RELN: variants seen among roughly 807,000 people sequenced by gnomAD.
The protein encoded by RELN is reelin.
A neutral mutation model predicts 427.6 loss-of-function variants in RELN; 108 were observed. The observed-to-expected ratio is 0.25, with a 90% CI of 0.22 to 0.30. The LOEUF (loss-of-function observed/expected upper bound fraction) is 0.30, where lower values mean the gene tolerates loss of function less well. RELN is among the 10% of genes least tolerant of loss of function. RELN has a pLI of 1.00. For missense variants in RELN, 3,715 were observed against 4,302.8 expected (o/e 0.86, Z 3.82); for synonymous variants, 1,524 against 1,513.4 (o/e 1.01, Z -0.16).
chr7:103,596,954 C>T (rs942090273), intron 24 of RELN, among the ~76,000 whole-genome samples: 3 of 152,206 alleles, frequency 2.0e-5, no homozygotes, highest in East Asian at 1.9e-4. Context: ...AAAATTTTAA[C>T]GAAAACACTC....
intron 4 of RELN, among the ~76,000 whole-genome samples, chr7:103,763,991 A>G (rs955840781): frequency 2.0e-5 from 3 of 152,224 alleles, no homozygotes; most frequent in African/African-American, 7.2e-5. Flanking sequence ...ATGGATGACC[A>G]CAAGGAATAA....
At position 103,988,840 on chromosome 7, in the gene RELN, G is replaced by A. The variant is rs547602067; in HGVS notation, c.226+291C>T. Reference sequence around the variant, plus strand: ...AATTTAAAGTGCCTGCGGTAAGTACGGGGAGTGAGGGGGAAAGACACCGGC... The same window carrying A: ...AATTTAAAGTGCCTGCGGTAAGTACAGGGAGTGAGGGGGAAAGACACCGGC... On this transcript the variant is annotated intron_variant, in intron 1 of 64. Coordinates refer to ENST00000428762, the MANE Select transcript of RELN (RefSeq NM_005045.4). The surrounding 1 kb of genome is among the most constrained non-coding windows in gnomAD (Gnocchi z 4.9). Among the ~76,000 whole-genome samples, 18 of 152,300 alleles carry A rather than the reference G, an allele frequency of 1.2e-4. No homozygotes were observed. Among genetic ancestry groups the A allele is most frequent in the Admixed American group, 2.6e-4 (4 of 15,306 alleles).
chr7:103,875,375 A>C (rs71558654), intron 2 of RELN, among the ~76,000 whole-genome samples: 21,244 of 151,246 alleles, frequency 0.14, 1,753 homozygotes, highest in East Asian at 0.33. Flanking sequence ...AATTAAACTA[A>C]AGATCTTCTG....
intron 4 of RELN, among the ~76,000 whole-genome samples, chr7:103,767,335 T>C (rs1219413223): frequency 1.3e-5 from 2 of 152,206 alleles, no homozygotes; most frequent in Non-Finnish European, 2.9e-5. Context: ...ACTTTAAGAA[T>C]CTACTTGGTA....
chr7:103,723,622 G>A (rs750864493), intron 7 of RELN, among the ~76,000 whole-genome samples: 3 of 152,128 alleles, frequency 2.0e-5, no homozygotes, highest in Admixed American at 2.0e-4. Context: ...AAGAACAAAT[G>A]AGTAGAATAA....
At chr7:103,783,773 T>G (rs1244270327) in intron 3 of RELN, among the ~76,000 whole-genome samples, 1 of 152,188 alleles carries the variant, frequency 6.6e-6, no homozygotes, top group African/African-American at 2.4e-5. Context: ...TCTTCCAAAG[T>G]GATTCAGCAA....
intron 3 of RELN, among the ~76,000 whole-genome samples, chr7:103,809,971 G>C (rs1242166784): frequency 6.6e-6 from 1 of 152,080 alleles, no homozygotes; most frequent in Non-Finnish European, 1.5e-5. Context: ...GTTTTCTCTT[G>C]TGTGCAGTGG....
intron 25 of RELN, 128 bp downstream of exon 25, chr7:103,596,328 T>C: frequency 2.6e-6 from 2 of 770,842 alleles, no homozygotes; most frequent in Non-Finnish European, 4.6e-6. Flanking sequence ...TACTGGGCTA[T>C]CATTCATGTT....
In RELN at chr7:103,895,746, T is replaced by G. The variant is rs555051442; in HGVS notation, c.337+21329A>C. ...TAACTACTTTTTAATAGCTAGGCTC[T>G]ATCACCTGGAGCATACGTTAAAAAA... On this transcript the variant is annotated intron_variant, in intron 2 of 64. Transcript: ENST00000428762. Among the ~76,000 whole-genome samples the G allele has an allele frequency of 1.4e-4, 22 of 152,176 alleles. 1 individual carries two copies. Among genetic ancestry groups the G allele is most frequent in the African/African-American group, 4.6e-4 (19 of 41,536 alleles).
intron 13 of RELN, among the ~76,000 whole-genome samples, chr7:103,653,152 G>C (rs1832957903): frequency 6.6e-6 from 1 of 152,064 alleles, no homozygotes; most frequent in South Asian, 2.1e-4. Context: ...ATCAAGCTAA[G>C]GGCTTTCCAA....
chr7:103,594,058 G>C (rs1350558531), intron 26 of RELN, among the ~76,000 whole-genome samples, 176 bp from the exon 27 acceptor site: 1 of 152,112 alleles, frequency 6.6e-6, no homozygotes, highest in Admixed American at 6.5e-5. Flanking sequence ...TTCAACAACT[G>C]AAAGTATTTT....
chr7:103,812,440 C>G (rs1390686787), intron 3 of RELN, among the ~76,000 whole-genome samples: 3 of 152,164 alleles, frequency 2.0e-5, no homozygotes, highest in Non-Finnish European at 4.4e-5. Flanking sequence ...TTATTCTTCC[C>G]AGGTGAACAA....
At chr7:103,973,154 T>C (rs1030930559) in intron 1 of RELN, among the ~76,000 whole-genome samples, 1 of 152,202 alleles carries the variant, frequency 6.6e-6, no homozygotes, top group African/African-American at 2.4e-5. Flanking sequence ...CAGCCAGTAG[T>C]GATAATCCAA....
rs982596715 is a variant in RELN at position 103,697,744 on chromosome 7, T to G, written c.1143+109A>C. On this transcript the variant is annotated intron_variant, in intron 10 of 64. Coordinates refer to ENST00000428762, the MANE Select transcript of RELN (RefSeq NM_005045.4). ...ATAAGTATATTATCTGGTCCTTTAA[T>G]AGTGGTTTTGGTAAAATAGCTATCT... The G allele has an allele frequency of 2.5e-5, 37 of 1,477,484 alleles. No individual in the cohort carries two copies. In the East Asian group the frequency reaches 8.6e-4, roughly 34 times the overall value. The allele number at this position is 1,477,484 out of a possible 1,614,324, so 91.5% of individuals were successfully genotyped here.
At position 103,566,132 on chromosome 7, in the gene RELN, G is replaced by A. The variant is rs754196618; in HGVS notation, c.4936+92C>T. On this transcript the variant is annotated intron_variant, in intron 33 of 64. Coordinates refer to ENST00000428762, the MANE Select transcript of RELN (RefSeq NM_005045.4). ...CCTCAGCATGGGTAGTTAGGCACACGGTTTTGCATTAGAAAGTTTTCTCCT... is the reference window on the plus strand; with the variant it reads ...CCTCAGCATGGGTAGTTAGGCACACAGTTTTGCATTAGAAAGTTTTCTCCT... 8.5e-4 allele frequency: 963 copies of A among 1,131,864 alleles called. 3 individuals are homozygous for A. Among genetic ancestry groups the A allele is most frequent in the Non-Finnish European group, 1.2e-3 (905 of 757,212 alleles). The allele number at this position is 1,131,864 out of a possible 1,614,324, so 70.1% of individuals were successfully genotyped here.
At chr7:103,946,166 T>G (rs891874912) in intron 1 of RELN, among the ~76,000 whole-genome samples, 2 of 152,204 alleles carry the variant, frequency 1.3e-5, no homozygotes, top group African/African-American at 2.4e-5. Flanking sequence ...CTGAATAATA[T>G]CTACTTAATG....
intron 28 of RELN, among the ~76,000 whole-genome samples, chr7:103,586,885 T>C (rs1445288457): frequency 1.3e-5 from 2 of 152,014 alleles, no homozygotes. Flanking sequence ...AAACTGTAGA[T>C]CACAAAAACA....
At chr7:103,625,809 G>A (rs10236190) in intron 20 of RELN, among the ~76,000 whole-genome samples, 33,314 of 151,916 alleles carry the variant, frequency 0.22, 4,390 homozygotes, top group African/African-American at 0.34. Context: ...GTTTTGATTG[G>A]TATGGGAACA....
At chr7:103,548,996 C>G (rs998900494) in intron 41 of RELN, among the ~76,000 whole-genome samples, 3 of 152,182 alleles carry the variant, frequency 2.0e-5, no homozygotes, top group African/African-American at 7.2e-5. Flanking sequence ...AACCTACAAT[C>G]TATCTTTAGG....
Sources: allele counts gnomAD v4.1 joint callset (sites outside exome capture counted in the v4.1 genomes callset), GRCh38; gene constraint gnomAD v4.1.1; non-coding constraint Gnocchi (gnomAD v3.1); transcripts MANE v1.5; gene names NCBI Gene and HGNC (gene_info 2026-07-23, HGNC 2026-07-21).